Variants in DNAAF9 observed in about 807,000 individuals in gnomAD.
The protein encoded by DNAAF9 is dynein axonemal assembly factor 9.
DNAAF9 carries 90 observed loss-of-function variants against 167.0 expected under a neutral mutation model. That is an observed-to-expected ratio of 0.54 (90% CI 0.45 to 0.64). The LOEUF is 0.64. Ranked by LOEUF, DNAAF9 falls within the 30% of genes least tolerant of loss-of-function variation. The pLI is 0.00. For missense variants in DNAAF9, 1,315 were observed against 1,442.2 expected (o/e 0.91, Z 1.43); for synonymous variants, 491 against 508.8 (o/e 0.96, Z 0.47).
chr20:3,335,601 A>G (rs1300375272), intron 10 of DNAAF9, among the ~76,000 whole-genome samples: 1 of 151,690 alleles, frequency 6.6e-6, no homozygotes, highest in Non-Finnish European at 1.5e-5. Flanking sequence ...TACTAAAAAT[A>G]CAAAAATTAG....
chr20:3,327,881 G>T (rs932049867), intron 12 of DNAAF9, among the ~76,000 whole-genome samples: 1 of 152,216 alleles, frequency 6.6e-6, no homozygotes, highest in African/African-American at 2.4e-5. Flanking sequence ...TTCTGGCCAG[G>T]CAAGGGCAGG....
At chr20:3,385,883 C>T (rs1568642912) in intron 1 of DNAAF9, among the ~76,000 whole-genome samples, 1 of 152,174 alleles carries the variant, frequency 6.6e-6, no homozygotes, top group Non-Finnish European at 1.5e-5. Context: ...ATACCATGTT[C>T]ATGGATTAGG....
At chr20:3,345,272 C>T (rs1201081580) in intron 8 of DNAAF9, among the ~76,000 whole-genome samples, 1 of 152,114 alleles carries the variant, frequency 6.6e-6, no homozygotes, top group African/African-American at 2.4e-5. Context: ...CCCCGCCTGG[C>T]TCAATTGGAG....
intron 1 of DNAAF9, among the ~76,000 whole-genome samples, chr20:3,394,501 C>T (rs901801707): frequency 5.3e-5 from 8 of 152,096 alleles, no homozygotes; most frequent in Non-Finnish European, 8.8e-5. Context: ...ATGTCTTCCT[C>T]TTGTGCCTTC....
At chr20:3,385,892 G>A (rs2083728374) in intron 1 of DNAAF9, among the ~76,000 whole-genome samples, 1 of 152,156 alleles carries the variant, frequency 6.6e-6, no homozygotes, top group South Asian at 2.1e-4. Context: ...TCATGGATTA[G>A]GAACCTCAAC....
intron 10 of DNAAF9, among the ~76,000 whole-genome samples, chr20:3,337,007 G>C (rs2069969560): frequency 6.7e-6 from 1 of 149,736 alleles, no homozygotes; most frequent in Admixed American, 6.7e-5. Flanking sequence ...AGCCTCCCAA[G>C]TAGCTGGGAC....
rs762422837 is a variant in DNAAF9, at chr20:3,270,438, C to T, written c.2775G>A (p.Gly925=). The T allele has an allele frequency of 3.7e-6, 6 of 1,613,862 alleles. No homozygotes were observed. In the South Asian group the frequency reaches 5.5e-5, roughly 15 times the overall value. ...PAAAFILAEN[G]IVTRNEDIEL... ...AATCTATAGATTACCTGGTGACAAT[C>T]CCATTTTCTGCAAGAATGAAGGCTG... Residue 925 remains glycine (G), a synonymous_variant, in exon 30 of 37, where the codon GGG becomes GGA. Transcript: ENST00000252032.
rs2068875896 is a variant in DNAAF9, at chr20:3,287,671, T to C, written c.2447A>G (p.Tyr816Cys). The change falls in exon 27 of 37, where the codon TAC (tyrosine) becomes TGC (cysteine). Residue 816 changes from tyrosine (Y) to cysteine (C), a missense_variant. Transcript: ENST00000252032. The stretch of plus-strand genomic sequence containing the variant: ...CAGCAGTCTGGTCTTCTTGCGGATG[T>C]AGGCTGACTGGCGCGCAGAGCGGTT... ...QQNRSARQSA[Y>C]IRKKTRLLVV... The C allele has an allele frequency of 6.2e-7, 1 of 1,614,258 alleles. No homozygotes were observed. The highest frequency in any genetic ancestry group is 8.5e-7 in the Non-Finnish European group (1 of 1,180,046).
rs1348531722 is a variant in DNAAF9, at chr20:3,294,587, A to G, written c.2061T>C (p.Pro687=). ...TTAGGGAACTCCGTTTCTCCCCAGC[A>G]GGCTGGCTCAGGGCACTGAAGAGCT... ...AQKLFSALSQ[P]AGEKRSSLKL... The change falls in exon 24 of 37, where the codon CCT becomes CCC. Residue 687 remains proline, a synonymous_variant. Transcript: ENST00000252032. 1 of 1,613,798 alleles carries G rather than the reference A, an allele frequency of 6.2e-7. No homozygotes were observed. Among genetic ancestry groups the G allele is most frequent in the Non-Finnish European group, 8.5e-7 (1 of 1,179,790 alleles).
intron 1 of DNAAF9, among the ~76,000 whole-genome samples, chr20:3,392,613 C>G (rs534583108): frequency 6.6e-6 from 1 of 152,358 alleles, no homozygotes; most frequent in South Asian, 2.1e-4. Context: ...ACAATCATCT[C>G]TGTTCTTCCC....
chr20:3,276,540 G>C (rs575092494), intron 29 of DNAAF9, among the ~76,000 whole-genome samples: 59 of 152,328 alleles, frequency 3.9e-4, no homozygotes, highest in Admixed American at 1.2e-3. Flanking sequence ...GGCCTCAAAG[G>C]GTTCAGACTA....
At chr20:3,345,175 C>T (rs574381863) in intron 8 of DNAAF9, among the ~76,000 whole-genome samples, 1 of 152,238 alleles carries the variant, frequency 6.6e-6, no homozygotes, top group African/African-American at 2.4e-5. Context: ...TGCATCACCA[C>T]AGCCGGCTAA....
At chr20:3,275,469 T>C (rs2068661391) in intron 29 of DNAAF9, among the ~76,000 whole-genome samples, 1 of 152,200 alleles carries the variant, frequency 6.6e-6, no homozygotes, top group Admixed American at 6.5e-5. Context: ...ACACAACTTG[T>C]ACAAAGTCCT....
chr20:3,294,957 C>T (rs1247492995), intron 23 of DNAAF9, among the ~76,000 whole-genome samples: 1 of 151,882 alleles, frequency 6.6e-6, no homozygotes, highest in African/African-American at 2.4e-5. Flanking sequence ...GCTCCGCCTC[C>T]CGGGTTCACG....
At position 3,287,658 on chromosome 20, in the gene DNAAF9, C is replaced by T. The variant is rs375592076; in HGVS notation, c.2460G>A (p.Lys820=). The change falls in exon 27 of 37, where the codon AAG becomes AAA. Residue 820 remains lysine, a synonymous_variant. Transcript: ENST00000252032. ...SARQSAYIRK[K]TRLLVVLQGY... is the part of the protein sequence containing the mutation. ...CTTGTAACACCACCAGCAGTCTGGT[C>T]TTCTTGCGGATGTAGGCTGACTGGC... is the stretch of plus-strand genomic sequence containing the variant. 26 of 1,614,130 alleles carry T rather than the reference C, an allele frequency of 1.6e-5. No individual in the cohort carries two copies. The highest frequency in any genetic ancestry group is 8.0e-5 in the African/African-American group (6 of 74,952).
chr20:3,321,453 G>A (rs2069614645), intron 16 of DNAAF9, among the ~76,000 whole-genome samples: 1 of 152,174 alleles, frequency 6.6e-6, no homozygotes, highest in Admixed American at 6.5e-5. Flanking sequence ...TAGAAATGGT[G>A]GGTAAAAATA....
chr20:3,362,236 T>C (rs1356195306), intron 6 of DNAAF9: 1 of 1,392,274 alleles, frequency 7.2e-7, no homozygotes, highest in African/African-American at 1.4e-5. Flanking sequence ...AACTGTGTCA[T>C]CTCCTACTCC....
At chr20:3,394,949 CTTTT>C (rs10522445) in intron 1 of DNAAF9, among the ~76,000 whole-genome samples, 25 of 102,116 alleles carry the variant, frequency 2.4e-4, no homozygotes, top group African/African-American at 9.8e-4. Flanking sequence ...TTTCTTTTTT[CTTTT>C]TTTTTTTTTT....
intron 10 of DNAAF9, among the ~76,000 whole-genome samples, chr20:3,332,894 G>GTGT (rs1568610188): frequency 6.3e-4 from 50 of 79,708 alleles, no homozygotes; most frequent in African/African-American, 3.1e-3. Context: ...GTGCGTGTGT[G>GTGT]CGTGTGGTGT....
Sources: allele counts gnomAD v4.1 joint callset (sites outside exome capture counted in the v4.1 genomes callset), GRCh38; gene constraint gnomAD v4.1.1; transcripts MANE v1.5; gene names NCBI Gene and HGNC (gene_info 2026-07-23, HGNC 2026-07-21).